Variants in CNTLN observed in about 807,000 individuals in gnomAD.
CNTLN encodes the protein centlein.
CNTLN carries 212 observed loss-of-function variants against 180.0 expected under a neutral mutation model. The observed-to-expected ratio is 1.18, with a 90% CI of 1.05 to 1.32. CNTLN has a LOEUF of 1.32. Among genes scored for constraint, CNTLN ranks in the 40% most tolerant of loss-of-function variants. CNTLN has a pLI of 0.00. For synonymous variants in CNTLN, 722 were observed against 563.1 expected (o/e 1.28, Z -3.99); for missense variants, 2,095 against 1,610.9 (o/e 1.30, Z -5.14).
intron 2 of CNTLN, among the ~76,000 whole-genome samples, chr9:17,180,939 G>A (rs1298341953): frequency 1.3e-5 from 2 of 151,946 alleles, no homozygotes; most frequent in African/African-American, 4.8e-5. Context: ...TTGTTTTTAG[G>A]TAATAATGGT....
At chr9:17,298,593 T>A (rs530236005) in intron 7 of CNTLN, 11 of 1,092,026 alleles carry the variant, frequency 1.0e-5, no homozygotes, top group Non-Finnish European at 1.2e-5. Context: ...TATAGGGTAT[T>A]ATTTTTATAA....
At chr9:17,254,484 A>G (rs1487036069) in intron 5 of CNTLN, among the ~76,000 whole-genome samples, 1 of 145,978 alleles carries the variant, frequency 6.9e-6, no homozygotes, top group Admixed American at 6.8e-5. Context: ...TTTTGTGTGT[A>G]TGGTGTAAGG....
At chr9:17,231,410 T>G (rs972171566) in intron 3 of CNTLN, among the ~76,000 whole-genome samples, 1 of 152,082 alleles carries the variant, frequency 6.6e-6, no homozygotes, top group African/African-American at 2.4e-5. Flanking sequence ...ATTATTAGTA[T>G]AAAGAATTGC....
At chr9:17,342,513 G>A in intron 12 of CNTLN, 69 bp downstream of exon 12, 1 of 1,400,440 alleles carries the variant, frequency 7.1e-7, no homozygotes, top group Non-Finnish European at 9.7e-7. Context: ...TGGCTTAAAA[G>A]CTATTAAAGA....
chr9:17,248,110 G>A (rs1158359412), intron 5 of CNTLN, among the ~76,000 whole-genome samples: 3 of 152,154 alleles, frequency 2.0e-5, no homozygotes, highest in Admixed American at 1.3e-4. Context: ...ATAGGCGTGA[G>A]CCACTGCACC....
intron 20 of CNTLN, 44 bp downstream of exon 20, chr9:17,463,057 G>T: frequency 8.8e-7 from 1 of 1,139,382 alleles, no homozygotes; most frequent in Middle Eastern, 2.0e-4. Flanking sequence ...GTGCCACCTA[G>T]TGGCAACCAG....
intron 18 of CNTLN, among the ~76,000 whole-genome samples, chr9:17,420,383 T>G (rs1828620593): frequency 6.6e-6 from 1 of 152,204 alleles, no homozygotes; most frequent in African/African-American, 2.4e-5. Flanking sequence ...TAACAATGCT[T>G]TAAATTTATG....
At chr9:17,306,630 A>T (rs1759460) in intron 7 of CNTLN, among the ~76,000 whole-genome samples, 30,183 of 151,962 alleles carry the variant, frequency 0.2, 3,656 homozygotes, top group African/African-American at 0.34. Flanking sequence ...TTGGTCCTCG[A>T]TCCTGACCAT....
intron 18 of CNTLN, among the ~76,000 whole-genome samples, chr9:17,435,037 C>G (rs868207431): frequency 4.0e-4 from 61 of 152,136 alleles, no homozygotes; most frequent in African/African-American, 1.4e-3. Flanking sequence ...TAAATTTTGA[C>G]TTCTCCAAAA....
intron 18 of CNTLN, among the ~76,000 whole-genome samples, chr9:17,438,381 A>T (rs1387216158): frequency 6.6e-6 from 1 of 152,168 alleles, no homozygotes; most frequent in African/African-American, 2.4e-5. Context: ...ATAATCCCAA[A>T]AGTTTGATGA....
chr9:17,257,850 T>G (rs1337637106), intron 5 of CNTLN, among the ~76,000 whole-genome samples: 1 of 146,068 alleles, frequency 6.8e-6, no homozygotes, highest in Non-Finnish European at 1.5e-5. Flanking sequence ...TAAATTTGTT[T>G]GAGTTCATTG....
At chr9:17,143,940 G>C (rs548253046) in intron 2 of CNTLN, among the ~76,000 whole-genome samples, 3 of 152,132 alleles carry the variant, frequency 2.0e-5, no homozygotes, top group African/African-American at 7.2e-5. Context: ...ATGATGCTGG[G>C]TTCTCTCTAT....
At chr9:17,237,019 TGGTGCTTTCTTTGACTTTAAA>T (rs936941818) in intron 5 of CNTLN, among the ~76,000 whole-genome samples, 21 of 152,002 alleles carry the variant, frequency 1.4e-4, no homozygotes, top group African/African-American at 5.1e-4. Flanking sequence ...GGTTCTATGG[TGGTGCTTTCTTTGACTTTAAA>T]GGTGCTTTCT....
At chr9:17,299,078 C>T (rs1345259523) in intron 7 of CNTLN, 1 of 343,096 alleles carries the variant, frequency 2.9e-6, no homozygotes, top group African/African-American at 2.2e-5. Context: ...CCTGTTTCTA[C>T]TAAAAATACA....
intron 5 of CNTLN, among the ~76,000 whole-genome samples, chr9:17,255,364 A>G (rs1826410421): frequency 6.6e-6 from 1 of 151,716 alleles, no homozygotes; most frequent in African/African-American, 2.4e-5. Flanking sequence ...GCTTCCTTCT[A>G]TTCCTAGTTG....
chr9:17,249,285 A>T (rs1348300879), intron 5 of CNTLN, among the ~76,000 whole-genome samples: 8 of 149,512 alleles, frequency 5.4e-5, no homozygotes, highest in Non-Finnish European at 1.0e-4. Flanking sequence ...TTTAAAATTC[A>T]TCTCTAAATA....
At chr9:17,464,296 TCA>T (rs933934753) in intron 20 of CNTLN, among the ~76,000 whole-genome samples, 199 bp from the exon 21 acceptor site, 1 of 151,318 alleles carries the variant, frequency 6.6e-6, no homozygotes, top group African/African-American at 2.4e-5. Flanking sequence ...AATTACCAAG[TCA>T]CAACTATAGA....
At chr9:17,382,087 A>G (rs911876967) in intron 13 of CNTLN, among the ~76,000 whole-genome samples, 1 of 152,192 alleles carries the variant, frequency 6.6e-6, no homozygotes, top group African/African-American at 2.4e-5. Context: ...ATGATATAAA[A>G]TCTTAAGCCA....
At chr9:17,362,018 A>G (rs1823432514) in intron 12 of CNTLN, among the ~76,000 whole-genome samples, 1 of 152,130 alleles carries the variant, frequency 6.6e-6, no homozygotes, top group African/African-American at 2.4e-5. Context: ...ACACAGTAAG[A>G]TATGGTTTGT....
Sources: allele counts gnomAD v4.1 joint callset (sites outside exome capture counted in the v4.1 genomes callset), GRCh38; gene constraint gnomAD v4.1.1; transcripts MANE v1.5; gene names NCBI Gene and HGNC (gene_info 2026-07-23, HGNC 2026-07-21).